CNIH4: variants seen among roughly 807,000 people sequenced by gnomAD.
CNIH4 encodes cornichon family member 4.
Under a neutral mutation model 21.5 loss-of-function variants are expected in CNIH4, and 9 were observed. That is an observed-to-expected ratio of 0.42 (90% CI 0.25 to 0.73). The LOEUF (loss-of-function observed/expected upper bound fraction) is 0.73. CNIH4 is among the 30% of genes least tolerant of loss of function. The pLI is 0.27. For synonymous variants in CNIH4, 67 were observed against 59.1 expected (o/e 1.13, Z -0.61); for missense variants, 159 against 170.0 (o/e 0.94, Z 0.36).
chr1:224,358,885 T>G (rs966127088), intron 1 of CNIH4, among the ~76,000 whole-genome samples: 2 of 152,206 alleles, frequency 1.3e-5, no homozygotes, highest in African/African-American at 4.8e-5. Flanking sequence ...GCATATTCTG[T>G]ATTTTAGAAT....
chr1:224,363,274 C>T (rs1466017618), intron 2 of CNIH4, among the ~76,000 whole-genome samples: 1 of 151,876 alleles, frequency 6.6e-6, no homozygotes, highest in African/African-American at 2.4e-5. Context: ...CGACTCCTGA[C>T]ATCAGGTGAT....
chr1:224,358,166 A>G (rs1672172006), intron 1 of CNIH4, among the ~76,000 whole-genome samples: 1 of 152,196 alleles, frequency 6.6e-6, no homozygotes, highest in African/African-American at 2.4e-5. Flanking sequence ...CTTTGCTTGC[A>G]CATTATTTCC....
At chr1:224,365,337 G>A (rs983109166) in intron 2 of CNIH4, among the ~76,000 whole-genome samples, 4 of 152,214 alleles carry the variant, frequency 2.6e-5, no homozygotes, top group Admixed American at 6.5e-5. Flanking sequence ...CTGTAAAGCC[G>A]ATAGGCCAGG....
At chr1:224,373,855 G>A (rs2102869212) in intron 4 of CNIH4, among the ~76,000 whole-genome samples, 1 of 152,002 alleles carries the variant, frequency 6.6e-6, no homozygotes, top group South Asian at 2.1e-4. Flanking sequence ...AAAGTGGTGG[G>A]GAGTTGGACT....
At chr1:224,356,853 A>C, upstream of CNIH4, 3 of 1,301,998 alleles carry the variant, frequency 2.3e-6, no homozygotes, top group East Asian at 2.5e-5. Flanking sequence ...AGCCCCGGCA[A>C]GGGCCTATCA....
At chr1:224,360,081 C>T (rs773293014) in intron 1 of CNIH4, among the ~76,000 whole-genome samples, 23 of 151,898 alleles carry the variant, frequency 1.5e-4, no homozygotes, top group Admixed American at 5.3e-4. Context: ...GGTAGCAGTG[C>T]GTTGGAATTG....
In CNIH4 at chr1:224,377,228, G is replaced by T. The variant is rs1399031718; in HGVS notation, c.*1406G>T. On this transcript the variant is annotated 3_prime_UTR_variant, in exon 5 of 5. Coordinates refer to ENST00000465271, the MANE Select transcript of CNIH4 (RefSeq NM_014184.4). ...TGGCCTCTTTGGGGTCACAGAAATT[G>T]CTCCTTGTGGTAATCTTATATTTCT... 1 of 152,232 alleles carries T rather than the reference G, an allele frequency of 6.6e-6. No individual in the cohort carries two copies. The highest frequency in any genetic ancestry group is 1.5e-5 in the Non-Finnish European group (1 of 68,054). 9.4% of individuals were successfully genotyped at this position (152,232 alleles called of 1,614,324 possible).
At position 224,356,882 on chromosome 1, in the gene CNIH4, C is replaced by G; in HGVS notation, c.-43C>G. The G allele has an allele frequency of 1.9e-6, 3 of 1,553,348 alleles. No homozygotes were observed. The highest frequency in any genetic ancestry group is 1.8e-6 in the Non-Finnish European group (2 of 1,138,972). On this transcript the variant is annotated 5_prime_UTR_variant, in exon 1 of 5. Coordinates refer to ENST00000465271, the MANE Select transcript of CNIH4 (RefSeq NM_014184.4). ...CCTATCAGGGGTGGGTCGGGGCATC[C>G]GAGCGGGTTTGACGGAAGGAGCGGC...
At chr1:224,360,232 G>A (rs542413359) in intron 1 of CNIH4, among the ~76,000 whole-genome samples, 3 of 150,192 alleles carry the variant, frequency 2.0e-5, no homozygotes, top group Non-Finnish European at 4.4e-5. Flanking sequence ...TTTTTTAATA[G>A]CCATTGTTTT....
chr1:224,365,540 T>C (rs1224924987), intron 2 of CNIH4, among the ~76,000 whole-genome samples: 1 of 152,346 alleles, frequency 6.6e-6, no homozygotes, highest in East Asian at 1.9e-4. Flanking sequence ...CATCCCAAAT[T>C]AGAGCTAGGG....
At chr1:224,367,394 T>C (rs1435171532) in intron 3 of CNIH4, among the ~76,000 whole-genome samples, 1 of 152,080 alleles carries the variant, frequency 6.6e-6, no homozygotes, top group Non-Finnish European at 1.5e-5. Context: ...TTTATAAAGG[T>C]CATGAAACTA....
Position 224,376,935 on chromosome 1 carries a change from A to C in CNIH4, c.*1113A>C, listed in dbSNP as rs1444034905. 5 of 982,870 alleles carry C rather than the reference A, an allele frequency of 5.1e-6. No individual in the cohort carries two copies. Among genetic ancestry groups the C allele is most frequent in the Non-Finnish European group, 6.0e-6 (5 of 827,676 alleles). The allele number at this position is 982,870 out of a possible 1,614,324, so 60.9% of individuals were successfully genotyped here. A position where few individuals can be genotyped will look rare whatever the true frequency, so the allele number is the denominator to read the frequency against. On this transcript the variant is annotated 3_prime_UTR_variant, in exon 5 of 5. Coordinates refer to ENST00000465271, the MANE Select transcript of CNIH4 (RefSeq NM_014184.4). The stretch of plus-strand genomic sequence containing the variant: ...TATCTTAAGCACTGGCATTTGGGCA[A>C]AACATGACTGTGTTCTGTGGGAGAA...
chr1:224,374,576 G>A (rs1308585848), intron 4 of CNIH4, among the ~76,000 whole-genome samples: 4 of 151,868 alleles, frequency 2.6e-5, no homozygotes, highest in Admixed American at 2.0e-4. Flanking sequence ...CACCATGCCC[G>A]GCTAATTTTT....
At chr1:224,375,266 C>G (rs934322194) in intron 4 of CNIH4, among the ~76,000 whole-genome samples, 4 of 152,162 alleles carry the variant, frequency 2.6e-5, no homozygotes, top group African/African-American at 9.7e-5. Flanking sequence ...ATGTAAGCCA[C>G]AGCAGCAGGA....
rs1558402337 is a variant in CNIH4 at position 224,376,082 on chromosome 1, T to C, written c.*260T>C. 2 of 1,183,580 alleles carry C rather than the reference T, an allele frequency of 1.7e-6. No individual in the cohort carries two copies. Among genetic ancestry groups the C allele is most frequent in the Non-Finnish European group, 2.1e-6 (2 of 954,392 alleles). 73.3% of individuals were successfully genotyped at this position (1,183,580 alleles called of 1,614,324 possible). On this transcript the variant is annotated 3_prime_UTR_variant, in exon 5 of 5. Coordinates refer to ENST00000465271, the MANE Select transcript of CNIH4 (RefSeq NM_014184.4). ...TCATCCTCTGTATGTTGAAGGTGGT[T>C]ATTTGTATGTAGGAACAGGACTGCC...
At chr1:224,369,804 G>A (rs1350157707) in intron 3 of CNIH4, among the ~76,000 whole-genome samples, 2 of 151,558 alleles carry the variant, frequency 1.3e-5, no homozygotes, top group Non-Finnish European at 2.9e-5. Context: ...AGCCTCCTGA[G>A]TAGGTGGGAT....
intron 1 of CNIH4, among the ~76,000 whole-genome samples, chr1:224,360,048 A>G (rs1015004380): frequency 2.0e-5 from 3 of 151,772 alleles, no homozygotes; most frequent in African/African-American, 4.8e-5. Context: ...AGGCACAAGA[A>G]TTGCTTGAAC....
intron 3 of CNIH4, among the ~76,000 whole-genome samples, chr1:224,366,802 TAA>T (rs11449111): frequency 6.8e-6 from 1 of 146,952 alleles, no homozygotes; most frequent in Non-Finnish European, 1.5e-5. Context: ...CTACTAAAAA[TAA>T]AAAAAAAAAT....
rs776910171 is a variant in CNIH4, at chr1:224,356,946, T to TTC, written c.29_30dup (p.Leu11SerfsTer15). 6.2e-7 allele frequency: 1 copy of TTC among 1,611,844 alleles called. No individual in the cohort carries two copies. The highest frequency in any genetic ancestry group is 8.5e-7 in the Non-Finnish European group (1 of 1,179,092). On this transcript the variant is annotated frameshift_variant, in exon 1 of 5. Coordinates refer to ENST00000465271, the MANE Select transcript of CNIH4 (RefSeq NM_014184.4). LOFTEE classifies it high-confidence loss of function. ...GAGGATGGAGGCGGTGGTGTTCGTC[T>TTC]TCTCTCTCCTCGATTGTTGCGCGCT...
Sources: gnomAD v4.1 joint callset for allele counts (sites outside exome capture counted in the v4.1 genomes callset) on GRCh38, gnomAD v4.1.1 for gene constraint, MANE v1.5 for transcripts, NCBI Gene and HGNC (gene_info 2026-07-23, HGNC 2026-07-21) for gene names.